The following CCNL1 variants were observed in gnomAD, a reference collection of about 807,000 sequenced individuals.
The protein encoded by CCNL1 is cyclin L1.
CCNL1 carries 13 observed loss-of-function variants against 60.6 expected under a neutral mutation model. The ratio of observed to expected loss-of-function variants is 0.21; its 90% CI spans 0.14 to 0.34. The LOEUF is 0.34. Ranked by LOEUF, CCNL1 falls within the 10% of genes least tolerant of loss-of-function variation. The pLI, the probability that CCNL1 is intolerant of heterozygous loss-of-function variation, is 1.00. For synonymous variants in CCNL1, 270 were observed against 244.3 expected, an observed-to-expected ratio of 1.10 and a Z score of -0.98; for missense variants, 481 against 664.3, an observed-to-expected ratio of 0.72 and a Z score of 3.03.
rs1577068852 is a variant in CCNL1 at position 157,149,517 on chromosome 3, A to G, written c.1101T>C (p.Asp367=). ...AAGGGCTTTTGGAAGCCTGTTGTCTATCCTCAGGTTCTTTTTTGACTGTCT... is the reference window on the plus strand; with the variant it reads ...AAGGGCTTTTGGAAGCCTGTTGTCTGTCCTCAGGTTCTTTTTTGACTGTCT... ...NVKTVKKEPE[D]RQQASKSPYN... is the part of the protein sequence containing the mutation. The change falls in exon 9 of 11, where the codon GAT becomes GAC. Residue 367 remains aspartate, a synonymous_variant. Coordinates refer to ENST00000295926, the MANE Select transcript of CCNL1 (RefSeq NM_020307.4). 6.2e-7 allele frequency: 1 copy of G among 1,613,976 alleles called. No homozygotes were observed. The highest frequency in any genetic ancestry group is 1.3e-5 in the African/African-American group (1 of 74,918).
intron 3 of CCNL1, among the ~76,000 whole-genome samples, chr3:157,158,367 G>A (rs975955136): frequency 3.9e-5 from 6 of 152,102 alleles, no homozygotes; most frequent in South Asian, 2.1e-4. Context: ...GGTATTATTC[G>A]ATTTATCGTA....
At chr3:157,145,578 G>C (rs1407082811), downstream of CCNL1, among the ~76,000 whole-genome samples, 1 of 151,260 alleles carries the variant, frequency 6.6e-6, no homozygotes, top group East Asian at 1.9e-4. Flanking sequence ...ACAGAGAACA[G>C]AGGGAAAAAC....
chr3:157,159,408 G>C lies in CCNL1; in HGVS notation c.375C>G (p.Phe125Leu). The change falls in exon 2 of 11, where the codon TTC becomes TTG. Residue 125 changes from phenylalanine (F) to leucine (L), a missense_variant. Transcript: ENST00000295926. ...TACCCGCCTCCGCTGTGCTTACCTC[G>C]AAACTGTGTTTGACGAAAGATTTGG... Reference protein sequence around the residue: ...FYSKSFVKHSFEIVAMACINL... With the variant: ...FYSKSFVKHSLEIVAMACINL... 6.2e-7 allele frequency: 1 copy of C among 1,614,070 alleles called. No homozygotes were observed. Among genetic ancestry groups the C allele is most frequent in the Non-Finnish European group, 8.5e-7 (1 of 1,179,948 alleles).
chr3:157,153,464 T>C (rs555820760), intron 3 of CCNL1: 14 of 206,228 alleles, frequency 6.8e-5, no homozygotes, highest in Admixed American at 6.7e-4. Flanking sequence ...TATATGTATT[T>C]AACTTTAACG....
chr3:157,148,862 CAT>C (rs1186128089), intron 10 of CCNL1: 7 of 404,674 alleles, frequency 1.7e-5, no homozygotes, highest in Admixed American at 4.1e-5. Context: ...GTATCTCCCA[CAT>C]GTTCAAAAGA....
At chr3:157,143,517 T>C (rs1275324887), downstream of CCNL1, among the ~76,000 whole-genome samples, 1 of 152,192 alleles carries the variant, frequency 6.6e-6, no homozygotes, top group Admixed American at 6.5e-5. Flanking sequence ...CAGACACTCA[T>C]AGGATTAGGT....
At chr3:157,143,954 A>T (rs1737713561), downstream of CCNL1, among the ~76,000 whole-genome samples, 1 of 152,188 alleles carries the variant, frequency 6.6e-6, no homozygotes, top group South Asian at 2.1e-4. Context: ...AGATCATTTT[A>T]CCTACTCTTC....
At chr3:157,146,566 G>C, downstream of CCNL1, 1 of 441,856 alleles carries the variant, frequency 2.3e-6, no homozygotes, top group Non-Finnish European at 4.5e-6. Flanking sequence ...CTTGAGGCCA[G>C]GAGTTCGTGA....
At position 157,151,729 on chromosome 3, in the gene CCNL1, T is replaced by A. The variant is rs1025344945; in HGVS notation, c.674+448A>T. On this transcript the variant is annotated intron_variant, in intron 5 of 10. Coordinates refer to ENST00000295926, the MANE Select transcript of CCNL1 (RefSeq NM_020307.4). ...ATACATAGGCATGTCAAATAGTTAC[T>A]TCTAGAAGCAAATATACAAATCCTT... is the stretch of plus-strand genomic sequence containing the variant. 4.9e-6 allele frequency: 5 copies of A among 1,011,438 alleles called. No homozygotes were observed. The African/African-American group carries it at 8.7e-5, about 18-fold the overall frequency. 62.7% of individuals were successfully genotyped at this position (1,011,438 alleles called of 1,614,324 possible). A position where few individuals can be genotyped will look rare whatever the true frequency, so the allele number is the denominator to read the frequency against.
At chr3:157,159,335 G>C (rs1738876198) in intron 2 of CCNL1, 70 bp downstream of exon 2, 6 of 1,419,290 alleles carry the variant, frequency 4.2e-6, no homozygotes, top group Non-Finnish European at 5.9e-6. Context: ...AAAGCTGGCT[G>C]CTGACACTAC....
intron 5 of CCNL1, chr3:157,151,449 T>C (rs1417682983): frequency 1.0e-6 from 1 of 985,704 alleles, no homozygotes; most frequent in Non-Finnish European, 1.2e-6. Context: ...AACATCTCTT[T>C]TAAAAATGAA....
At position 157,148,599 on chromosome 3, in the gene CCNL1, T is replaced by C. The variant is rs750053960; in HGVS notation, c.1233-10A>G. 2.0e-5 allele frequency: 31 copies of C among 1,570,410 alleles called. No individual in the cohort carries two copies. The highest frequency in any genetic ancestry group is 2.6e-5 in the Non-Finnish European group (30 of 1,161,858). Reference sequence around the variant, plus strand: ...CCGCCTATTATTATAGCTTAGATAATAAAAATTTGAAGTTTAGGTTCAGTT... The same window carrying C: ...CCGCCTATTATTATAGCTTAGATAACAAAAATTTGAAGTTTAGGTTCAGTT... On this transcript the variant is annotated splice_polypyrimidine_tract_variant and intron_variant, in intron 10 of 10. Coordinates refer to ENST00000295926, the MANE Select transcript of CCNL1 (RefSeq NM_020307.4).
chr3:157,152,826 G>C, intron 4 of CCNL1: 1 of 1,307,076 alleles, frequency 7.7e-7, no homozygotes, highest in Non-Finnish European at 9.7e-7. Context: ...ACACAATTAA[G>C]ATTTAAGATT....
In CCNL1 at chr3:157,158,877, T is replaced by G; in HGVS notation, c.477A>C (p.Leu159Phe). The G allele has an allele frequency of 6.2e-7, 1 of 1,608,460 alleles. No homozygotes were observed. Among genetic ancestry groups the G allele is most frequent in the Non-Finnish European group, 8.5e-7 (1 of 1,175,508 alleles). Residue 159 changes from leucine (L) to phenylalanine (F), a missense_variant, in exon 3 of 11, where the codon TTA (leucine) becomes TTC (phenylalanine). By Grantham distance (22) the Leu-to-Phe change is conservative. Around this residue, in one of 5 missense-constraint regions of CCNL1, gnomAD observed 130 missense variants for 174.5 expected, o/e 0.75. Coordinates refer to ENST00000295926, the MANE Select transcript of CCNL1 (RefSeq NM_020307.4). ...VINVFHHLRQ[L>F]RGKRTPSPLI... ...AATGCCAATCTTACCTTTTTCCTCT[T>G]AACTGGCGGAGGTGGTGGAATACAT...
downstream of CCNL1, among the ~76,000 whole-genome samples, chr3:157,143,698 C>T (rs181778335): frequency 8.5e-5 from 13 of 152,112 alleles, no homozygotes; most frequent in African/African-American, 2.4e-4. Context: ...GAGAGGCTTA[C>T]TTAGAAGGGG....
In CCNL1 at chr3:157,148,337, A is replaced by C. The variant is rs772691946; in HGVS notation, c.1485T>G (p.His495Gln). 6.2e-7 allele frequency: 1 copy of C among 1,614,132 alleles called. No homozygotes were observed. The highest frequency in any genetic ancestry group is 8.5e-7 in the Non-Finnish European group (1 of 1,180,020). The change falls in exon 11 of 11, where the codon CAT becomes CAG. Residue 495 changes from histidine to glutamine, a missense_variant. His to Gln is a conservative substitution (Grantham distance 24). Transcript: ENST00000295926. ...AKKHRHERGH[H>Q]RDRRERSRSF... ...AGCGAGATCGTTCACGCCTGTCCCT[A>C]TGATGTCCCCTTTCATGCCTGTGTT...
At chr3:157,149,686 T>G in intron 8 of CCNL1, 90 bp from the exon 9 acceptor site, 1 of 1,463,732 alleles carries the variant, frequency 6.8e-7, no homozygotes, top group East Asian at 2.3e-5. Flanking sequence ...GTACCATGCT[T>G]CCGCTTCCAT....
chr3:157,147,844 A>C lies in CCNL1; in HGVS notation c.*397T>G, dbSNP rs757914718. 1 of 990,268 alleles carries C rather than the reference A, an allele frequency of 1.0e-6. No individual in the cohort carries two copies. Among genetic ancestry groups the C allele is most frequent in the South Asian group, 4.7e-5 (1 of 21,338 alleles). The allele number at this position is 990,268 out of a possible 1,614,324, so 61.3% of individuals were successfully genotyped here. ...TTTATTTCCTTGTAAAAATCTTTAC[A>C]CATGCAGACAAACCAGTGTTAAGAA... On this transcript the variant is annotated 3_prime_UTR_variant, in exon 11 of 11. Transcript: ENST00000295926.
intron 3 of CCNL1, 48 bp downstream of exon 3, chr3:157,158,818 C>T (rs1321995016): frequency 1.7e-6 from 2 of 1,188,482 alleles, no homozygotes; most frequent in Non-Finnish European, 2.5e-6. Context: ...GACTGGTGCA[C>T]GGTACAGCAG....
Sources: gnomAD v4.1 joint callset for allele counts (sites outside exome capture counted in the v4.1 genomes callset) on GRCh38, gnomAD v4.1.1 for gene constraint, gnomAD v4.1.1 regional missense constraint, MANE v1.5 for transcripts, NCBI Gene and HGNC (gene_info 2026-07-23, HGNC 2026-07-21) for gene names.